SLC9A9: variants seen among roughly 807,000 people sequenced by gnomAD.
The protein encoded by SLC9A9 is solute carrier family 9 member A9.
Under a neutral mutation model 77.8 loss-of-function variants are expected in SLC9A9, and 62 were observed. The observed-to-expected ratio is 0.80, with a 90% confidence interval of 0.65 to 0.98. The LOEUF is 0.98. Ranked by LOEUF, SLC9A9 falls within the 50% of genes least tolerant of loss-of-function variation. The probability of loss-of-function intolerance (pLI) is 0.00; values close to 1 mark genes in which losing one functional copy is unlikely to be tolerated. For missense variants in SLC9A9, 775 were observed against 774.9 expected (o/e 1.00, Z 0.00); for synonymous variants, 320 against 283.5 (o/e 1.13, Z -1.29).
chr3:143,639,527 G>A (rs1217284877), intron 6 of SLC9A9, among the ~76,000 whole-genome samples: 5 of 152,144 alleles, frequency 3.3e-5, no homozygotes, highest in Non-Finnish European at 7.4e-5. Context: ...AAAAAGGATT[G>A]GGTAGTCATA....
intron 14 of SLC9A9, among the ~76,000 whole-genome samples, chr3:143,291,263 C>CCAAA: frequency 6.6e-6 from 1 of 151,940 alleles, no homozygotes; most frequent in South Asian, 2.1e-4. Context: ...CCACTCCCAG[C>CCAAA]TGATTTGGCT....
In SLC9A9 at chr3:143,446,818, G is replaced by A. The variant is rs562983248; in HGVS notation, c.1469+20219C>T. 3.9e-5 allele frequency among the ~76,000 whole-genome samples: 6 copies of A among 152,256 alleles called. No homozygotes were observed. The South Asian group carries it at 1.2e-3, about 32-fold the overall frequency. Reference sequence around the variant, plus strand: ...GCATGGAAGAAGAAATAGGTGGTGTGGCACATTTGGGGGAAATTAAAATGC... The same window carrying A: ...GCATGGAAGAAGAAATAGGTGGTGTAGCACATTTGGGGGAAATTAAAATGC... On this transcript the variant is annotated intron_variant, in intron 12 of 15. Transcript: ENST00000316549.
At chr3:143,703,232 A>T (rs1189209990) in intron 4 of SLC9A9, among the ~76,000 whole-genome samples, 1 of 152,170 alleles carries the variant, frequency 6.6e-6, no homozygotes. Context: ...CCTAATAGAT[A>T]TAGAACATTT....
chr3:143,705,946 G>A (rs1472846490), intron 4 of SLC9A9, among the ~76,000 whole-genome samples: 1 of 152,208 alleles, frequency 6.6e-6, no homozygotes, highest in East Asian at 1.9e-4. Flanking sequence ...AGTGGAAAGC[G>A]CTAAGTGTCC....
At position 143,531,256 on chromosome 3, in the gene SLC9A9, A is replaced by C. The variant is rs572291449; in HGVS notation, c.1089+21106T>G. ...GCCTTACTTAGCTCTTGAGATTTCA[A>C]ATGCTCCCCTGGCAAGGAAAGCAAA... is the stretch of plus-strand genomic sequence containing the variant. On this transcript the variant is annotated intron_variant, in intron 9 of 15. Transcript: ENST00000316549. Among the ~76,000 whole-genome samples, 6 of 152,308 alleles carry C rather than the reference A, an allele frequency of 3.9e-5. No homozygotes were observed. In the South Asian group the frequency reaches 1.2e-3, roughly 32 times the overall value.
At chr3:143,677,246 A>T (rs575200309) in intron 5 of SLC9A9, among the ~76,000 whole-genome samples, 6 of 152,274 alleles carry the variant, frequency 3.9e-5, no homozygotes, top group African/African-American at 7.2e-5. Context: ...ACAGATATGC[A>T]TGGGGGTTAT....
rs572209774 is a variant in SLC9A9 at position 143,483,656 on chromosome 3, G to A, written c.1315+9997C>T. 5.3e-5 allele frequency among the ~76,000 whole-genome samples: 8 copies of A among 152,292 alleles called. No individual in the cohort carries two copies. In the East Asian group the frequency reaches 7.7e-4, roughly 15 times the overall value. ...CTCTCAGGATCTTGGACAGGGCCAC[G>A]TGAAAGGGATCCTAAAGCTTAAGTT... On this transcript the variant is annotated intron_variant, in intron 11 of 15. Coordinates refer to ENST00000316549, the MANE Select transcript of SLC9A9 (RefSeq NM_173653.4).
rs12637946 is a variant in SLC9A9, at chr3:143,738,868, A to T, written c.534-45561T>A. On this transcript the variant is annotated intron_variant, in intron 4 of 15. Coordinates refer to ENST00000316549, the MANE Select transcript of SLC9A9 (RefSeq NM_173653.4). ...CCAAATGAAAGAGATGCACAGGAGA[A>T]GGCATGTGCAGGTATGCAGCTTTCA... 5.0e-4 allele frequency among the ~76,000 whole-genome samples: 76 copies of T among 152,336 alleles called. No homozygotes were observed. In the East Asian group the frequency reaches 0.014, roughly 28 times the overall value.
chr3:143,596,064 T>A (rs1305744700), intron 6 of SLC9A9, among the ~76,000 whole-genome samples: 2 of 152,164 alleles, frequency 1.3e-5, no homozygotes. Context: ...GGCAAAAACT[T>A]TCTCCGTGGG....
intron 9 of SLC9A9, among the ~76,000 whole-genome samples, chr3:143,521,307 T>G (rs927232127): frequency 6.6e-6 from 1 of 152,066 alleles, no homozygotes; most frequent in Non-Finnish European, 1.5e-5. Context: ...AAGGAAGGGG[T>G]CACTCAAAGG....
chr3:143,308,768 C>G (rs554483753), intron 14 of SLC9A9, among the ~76,000 whole-genome samples: 1 of 152,098 alleles, frequency 6.6e-6, no homozygotes, highest in African/African-American at 2.4e-5. Flanking sequence ...GAGCACAGTG[C>G]CTGGCCCAGG....
intron 4 of SLC9A9, among the ~76,000 whole-genome samples, chr3:143,721,555 A>G (rs1229719862): frequency 6.6e-6 from 1 of 152,014 alleles, no homozygotes; most frequent in Non-Finnish European, 1.5e-5. Flanking sequence ...AAAGATCTGG[A>G]GGTGAGCCCT....
At chr3:143,486,153 A>C (rs757741212) in intron 11 of SLC9A9, among the ~76,000 whole-genome samples, 2 of 152,150 alleles carry the variant, frequency 1.3e-5, no homozygotes, top group Non-Finnish European at 2.9e-5. Context: ...AAAAATAAAA[A>C]ACAAAAACAA....
intron 9 of SLC9A9, among the ~76,000 whole-genome samples, chr3:143,550,716 A>T (rs182774550): frequency 6.6e-6 from 1 of 152,318 alleles, no homozygotes; most frequent in East Asian, 1.9e-4. Context: ...TGAAGCTTGC[A>T]GGTATGTGAT....
chr3:143,514,023 G>A (rs1401741373), intron 9 of SLC9A9, among the ~76,000 whole-genome samples: 1 of 152,052 alleles, frequency 6.6e-6, no homozygotes, highest in African/African-American at 2.4e-5. Flanking sequence ...AGGCCTCGGT[G>A]TGTGATGTTC....
chr3:143,410,564 C>G (rs1251642304), intron 12 of SLC9A9, among the ~76,000 whole-genome samples: 1 of 152,246 alleles, frequency 6.6e-6, no homozygotes, highest in African/African-American at 2.4e-5. Flanking sequence ...TCCAGCTCTT[C>G]ATTTTGATCC....
Position 143,810,720 on chromosome 3 carries a change from AT to A in SLC9A9, c.379-13818del, listed in dbSNP as rs545969550. Among the ~76,000 whole-genome samples, 177 of 151,856 alleles carry A rather than the reference AT, an allele frequency of 1.2e-3. 1 individual carries two copies. Among genetic ancestry groups the A allele is most frequent in the South Asian group, 9.4e-3 (45 of 4,766 alleles). ...GGCTCTTGCTGTTTTGCAATTGCTG[AT>A]TTTTTTTTAAGTGGTTAACAATAAT... On this transcript the variant is annotated intron_variant, in intron 2 of 15. Transcript: ENST00000316549.
chr3:143,834,909 T>C (rs1174806808), intron 1 of SLC9A9, among the ~76,000 whole-genome samples: 2 of 152,128 alleles, frequency 1.3e-5, no homozygotes, highest in South Asian at 4.1e-4. Context: ...GAGGAGGCAA[T>C]TGACCAGTGG....
At chr3:143,829,491 C>T (rs1410173248) in intron 2 of SLC9A9, among the ~76,000 whole-genome samples, 1 of 152,072 alleles carries the variant, frequency 6.6e-6, no homozygotes, top group Non-Finnish European at 1.5e-5. Flanking sequence ...AGTGCCATCT[C>T]CCCAAGAAGC....
Sources: gnomAD v4.1 joint callset for allele counts (sites outside exome capture counted in the v4.1 genomes callset) on GRCh38, gnomAD v4.1.1 for gene constraint, MANE v1.5 for transcripts, NCBI Gene and HGNC (gene_info 2026-07-23, HGNC 2026-07-21) for gene names.